MTMR11: variants seen among roughly 807,000 people sequenced by gnomAD.
MTMR11 encodes the protein myotubularin-related protein 11.
Under a neutral mutation model 100.0 loss-of-function variants are expected in MTMR11, and 89 were observed. That is an observed-to-expected ratio of 0.89 (90% CI 0.75 to 1.06). MTMR11 has a LOEUF of 1.06. Among genes scored for constraint, MTMR11 ranks in the 50% least tolerant of loss-of-function variants. The probability of loss-of-function intolerance (pLI) is 0.00; values close to 1 mark genes in which losing one functional copy is unlikely to be tolerated. For synonymous variants in MTMR11, 336 were observed against 326.3 expected (o/e 1.03, Z -0.32); for missense variants, 809 against 873.7 (o/e 0.93, Z 0.93).
Position 149,934,273 on chromosome 1 carries a change from C to A in MTMR11, c.601G>T (p.Asp201Tyr). 1 of 1,614,230 alleles carries A rather than the reference C, an allele frequency of 6.2e-7. No individual in the cohort carries two copies. The highest frequency in any genetic ancestry group is 8.5e-7 in the Non-Finnish European group (1 of 1,180,034). ...TGCTTCTTCCGCTCAGTCTCCCAGT[C>A]TTCCGCTGTCTCCATGAGAGGAATT... The part of the protein sequence containing the change: ...PPIPLMETAE[D>Y]WETERKKQAA... Residue 201 changes from aspartate to tyrosine, a missense_variant, in exon 7 of 17, where the codon GAC becomes TAC. Physicochemically the swap from Asp to Tyr is radical, Grantham distance 160 (BLOSUM62 -3). Coordinates refer to ENST00000439741, the MANE Select transcript of MTMR11 (RefSeq NM_001145862.2).
rs373265677 is a variant in MTMR11, at chr1:149,929,805, C to A, written c.1759G>T (p.Val587Phe). The A allele has an allele frequency of 4.3e-6, 7 of 1,614,094 alleles. No homozygotes were observed. Among genetic ancestry groups the A allele is most frequent in the Non-Finnish European group, 5.9e-6 (7 of 1,180,038 alleles). The change falls in exon 16 of 17, where the codon GTC (valine) becomes TTC (phenylalanine). Residue 587 changes from valine (V) to phenylalanine (F), a missense_variant. Coordinates refer to ENST00000439741, the MANE Select transcript of MTMR11 (RefSeq NM_001145862.2). ...GGTCGAGGGAGCCAACGAGAAGAGA[C>A]TGCCAGCAGGGAAGGACTGTCCCGC... is the stretch of plus-strand genomic sequence containing the variant. ...PWRDSPSLLA[V>F]SSRWLPRPAI...
Position 149,931,360 on chromosome 1 carries a change from G to C in MTMR11, c.1190C>G (p.Ala397Gly). 1 of 1,613,930 alleles carries C rather than the reference G, an allele frequency of 6.2e-7. No homozygotes were observed. Among genetic ancestry groups the C allele is most frequent in the Non-Finnish European group, 8.5e-7 (1 of 1,179,976 alleles). Residue 397 changes from alanine (A) to glycine (G), a missense_variant, in exon 13 of 17, where the codon GCC (alanine) becomes GGC (glycine). By Grantham distance (60) the Ala-to-Gly change is moderately conservative. Transcript: ENST00000439741. ...SLVQLLSAPE[A>G]RTLFGFQSLV... Reference sequence around the variant, plus strand: ...TGATTGGAAGCCAAACAGTGTTCGGGCTTCGGGGGCTGAAAGCAGCTGGAC... The same window carrying C: ...TGATTGGAAGCCAAACAGTGTTCGGCCTTCGGGGGCTGAAAGCAGCTGGAC...
At position 149,936,203 on chromosome 1, in the gene MTMR11, C is replaced by G; in HGVS notation, c.93G>C (p.Glu31Asp). ...AACTGCTAGGCTGACGACTCCTGGGCTCCGGCATCCTATTTTCCTGGACAG... is the reference window on the plus strand; with the variant it reads ...AACTGCTAGGCTGACGACTCCTGGGGTCCGGCATCCTATTTTCCTGGACAG... Reference protein sequence around the residue: ...MGSVQENRMPEPRSRQPSSCL... With the variant: ...MGSVQENRMPDPRSRQPSSCL... The change falls in exon 2 of 17, where the codon GAG (glutamate) becomes GAC (aspartate). Residue 31 changes from glutamate to aspartate, a missense_variant. By Grantham distance (45) the Glu-to-Asp change is conservative. Transcript: ENST00000439741. The G allele has an allele frequency of 6.2e-7, 1 of 1,614,078 alleles. No individual in the cohort carries two copies. Among genetic ancestry groups the G allele is most frequent in the Non-Finnish European group, 8.5e-7 (1 of 1,180,016 alleles).
At position 149,929,281 on chromosome 1, in the gene MTMR11, C is replaced by T; in HGVS notation, c.1978G>A (p.Asp660Asn). Residue 660 changes from aspartate to asparagine, a missense_variant, in exon 17 of 17, where the codon GAT becomes AAT. Transcript: ENST00000439741. ...LSAPTISGLQ[D>N]ELSHLQELLR... ...AACTCCTGAAGATGGGATAGCTCAT[C>T]CTGGAGGCCAGAGATTGTGGGAGCT... is the stretch of plus-strand genomic sequence containing the variant. 2 of 1,614,090 alleles carry T rather than the reference C, an allele frequency of 1.2e-6. No individual in the cohort carries two copies. The highest frequency in any genetic ancestry group is 1.7e-6 in the Non-Finnish European group (2 of 1,179,994).
Position 149,933,640 on chromosome 1 carries a change from G to T in MTMR11, c.830C>A (p.Thr277Lys). 6.2e-7 allele frequency: 1 copy of T among 1,614,204 alleles called. No individual in the cohort carries two copies. The highest frequency in any genetic ancestry group is 8.5e-7 in the Non-Finnish European group (1 of 1,180,030). ...ATCCTCCTTGTTAGGGTCACTGGCT[G>T]TATAGAAGCCTCCACAGCGGAGAAG... ...SDLLRCGGFYTASDPNKEDIR... is the reference protein window; with the variant it reads ...SDLLRCGGFYKASDPNKEDIR... The change falls in exon 9 of 17, where the codon ACA (threonine) becomes AAA (lysine). Residue 277 changes from threonine to lysine, a missense_variant. Thr to Lys is a moderately conservative substitution (Grantham distance 78). Coordinates refer to ENST00000439741, the MANE Select transcript of MTMR11 (RefSeq NM_001145862.2).
chr1:149,933,564 A>T, intron 9 of MTMR11, 34 bp from the exon 10 acceptor site: 1 of 1,614,074 alleles, frequency 6.2e-7, no homozygotes, highest in Middle Eastern at 1.6e-4. Context: ...TAAGGAGTCT[A>T]CCCTGAGCAC....
At chr1:149,932,386 T>C (rs2092671654) in intron 10 of MTMR11, 56 bp from the exon 11 acceptor site, 1 of 1,408,448 alleles carries the variant, frequency 7.1e-7, no homozygotes, top group South Asian at 1.2e-5. Context: ...GGATTCAGGA[T>C]TCAGGTTGAT....
In MTMR11 at chr1:149,929,628, C is replaced by T. The variant is rs368643211; in HGVS notation, c.1936G>A (p.Val646Ile). The part of the protein sequence containing the change: ...RRCYLRGRPE[V>I]QMGLSAPTIS... ...AGTCTATTTTCCCTTCTTACCTGGA[C>T]CTCAGGCCTTCCCCTCAGGTAGCAG... The change falls in exon 16 of 17, where the codon GTC (valine) becomes ATC (isoleucine). Residue 646 changes from valine to isoleucine, a missense_variant. Coordinates refer to ENST00000439741, the MANE Select transcript of MTMR11 (RefSeq NM_001145862.2). 1.3e-5 allele frequency: 21 copies of T among 1,611,020 alleles called. No homozygotes were observed. The highest frequency in any genetic ancestry group is 1.8e-5 in the Non-Finnish European group (21 of 1,178,916).
At position 149,936,625 on chromosome 1, in the gene MTMR11, TGGCCCC is replaced by T; in HGVS notation, c.17_22del (p.Arg6_Gly7del). 6.5e-7 allele frequency: 1 copy of T among 1,544,530 alleles called. No homozygotes were observed. The highest frequency in any genetic ancestry group is 1.7e-4 in the Middle Eastern group (1 of 5,976). ...CTTCTGGGGGGCAATGTTGAAACTC[TGGCCCC>T]GGCCCCCCCACCACATTTCTCTGGC... On this transcript the variant is annotated inframe_deletion, in exon 1 of 17. Transcript: ENST00000439741.
chr1:149,930,301 T>C, intron 15 of MTMR11, 64 bp downstream of exon 15: 2 of 1,468,106 alleles, frequency 1.4e-6, no homozygotes, highest in Non-Finnish European at 1.9e-6. Flanking sequence ...CTTTCACTTC[T>C]CACTGTCTAG....
intron 4 of MTMR11, 62 bp downstream of exon 4, chr1:149,935,237 G>A: frequency 6.2e-7 from 1 of 1,606,440 alleles, no homozygotes; most frequent in Non-Finnish European, 8.5e-7. Context: ...AACAGAGGAA[G>A]GATGAGGAGG....
chr1:149,936,416 A>G, intron 1 of MTMR11, 166 bp downstream of exon 1: 1 of 1,443,718 alleles, frequency 6.9e-7, no homozygotes, highest in South Asian at 1.5e-5. Context: ...GGATAATGAG[A>G]CAACGAACTT....
chr1:149,929,662 G>C lies in MTMR11; in HGVS notation c.1902C>G (p.Leu634=), dbSNP rs766652317. ...TTCCCCTCAGGTAGCAGCGTCTCCA[G>C]AGCCTGATCTGGGGTCCCAGATACC... ...LPGYLGPQIR[L]WRRCYLRGRP... The change falls in exon 16 of 17, where the codon CTC becomes CTG. Residue 634 remains leucine, a synonymous_variant. Transcript: ENST00000439741. The C allele has an allele frequency of 9.9e-6, 16 of 1,613,762 alleles. No homozygotes were observed. The African/African-American group carries it at 2.0e-4, about 20-fold the overall frequency.
Position 149,931,397 on chromosome 1 carries a change from G to A in MTMR11, c.1153C>T (p.Leu385Phe). 6.2e-7 allele frequency: 1 copy of A among 1,611,096 alleles called. No homozygotes were observed. The highest frequency in any genetic ancestry group is 1.3e-5 in the African/African-American group (1 of 74,854). Reference protein sequence around the residue: ...ERGDRDLNGLLSSLVQLLSAP... With the variant: ...ERGDRDLNGLFSSLVQLLSAP... ...GAAAGCAGCTGGACGAGTGAAGAGA[G>A]GAGGCCATTGAGATCACGATCACCG... The change falls in exon 13 of 17, where the codon CTC becomes TTC. Residue 385 changes from leucine (L) to phenylalanine (F), a missense_variant. By Grantham distance (22) the Leu-to-Phe change is conservative. Transcript: ENST00000439741.
In MTMR11 at chr1:149,935,073, G is replaced by T; in HGVS notation, c.381C>A (p.Ile127=). Residue 127 remains isoleucine (I), a synonymous_variant, in exon 5 of 17, where the codon ATC becomes ATA. Coordinates refer to ENST00000439741, the MANE Select transcript of MTMR11 (RefSeq NM_001145862.2). The part of the protein sequence containing the change: ...LLRPGSLHKF[I]PEEILIHGRD... The stretch of plus-strand genomic sequence containing the variant: ...GGCCATGAATCAGAATCTCCTCAGG[G>T]ATAAATTTATGCAGGGACCCTGGAC... 1 of 1,614,120 alleles carries T rather than the reference G, an allele frequency of 6.2e-7. No individual in the cohort carries two copies. Among genetic ancestry groups the T allele is most frequent in the South Asian group, 1.1e-5 (1 of 91,076 alleles).
chr1:149,934,107 T>A (rs1356440356), intron 7 of MTMR11, 84 bp downstream of exon 7: 182 of 1,596,476 alleles, frequency 1.1e-4, no homozygotes, highest in Non-Finnish European at 1.5e-4. Flanking sequence ...AGGCTGGAGT[T>A]TGTGGGAAGT....
chr1:149,934,929 G>A lies in MTMR11; in HGVS notation c.468+57C>T, dbSNP rs751881993. ...CTGGAGGAGTCTCAGAAATTGTCAG[G>A]GAGAGGATCCCAAGGTTCTGAGGTG... On this transcript the variant is annotated intron_variant, in intron 5 of 16. Coordinates refer to ENST00000439741, the MANE Select transcript of MTMR11 (RefSeq NM_001145862.2). 494 of 1,578,558 alleles carry A rather than the reference G, an allele frequency of 3.1e-4. 1 individual carries two copies. The highest frequency in any genetic ancestry group is 4.0e-4 in the Non-Finnish European group (465 of 1,164,336).
At position 149,930,498 on chromosome 1, in the gene MTMR11, G is replaced by A; in HGVS notation, c.1514C>T (p.Ala505Val). 6.2e-7 allele frequency: 1 copy of A among 1,614,076 alleles called. No homozygotes were observed. The highest frequency in any genetic ancestry group is 8.5e-7 in the Non-Finnish European group (1 of 1,179,984). ...CAGCTGCAGGTTAAAAGAGTTCCCA[G>A]CTGGAGGCTGGGAGTATCCTGGGGT... ...VYTPGYSQPP[A>V]GNSFNLQLSV... The change falls in exon 15 of 17, where the codon GCT becomes GTT. Residue 505 changes from alanine to valine, a missense_variant. Physicochemically the swap from Ala to Val is moderately conservative, Grantham distance 64. Transcript: ENST00000439741.
rs1314893872 is a variant in MTMR11, at chr1:149,935,335, C to A, written c.289G>T (p.Asp97Tyr). Reference sequence around the variant, plus strand: ...CGTCCAATGTTGACCAGGGCAAAATCGTATTCACTGTTCAAGGGAGTGTCC... The same window carrying A: ...CGTCCAATGTTGACCAGGGCAAAATAGTATTCACTGTTCAAGGGAGTGTCC... ...NQDTPLNSEY[D>Y]FALVNIGRLE... The change falls in exon 4 of 17, where the codon GAT (aspartate) becomes TAT (tyrosine). Residue 97 changes from aspartate (D) to tyrosine (Y), a missense_variant. Transcript: ENST00000439741. The A allele has an allele frequency of 6.2e-7, 1 of 1,613,518 alleles. No homozygotes were observed. The highest frequency in any genetic ancestry group is 1.3e-5 in the African/African-American group (1 of 74,838).
Sources: gnomAD v4.1 joint callset for allele counts on GRCh38, gnomAD v4.1.1 for gene constraint, MANE v1.5 for transcripts, NCBI Gene and HGNC (gene_info 2026-07-23, HGNC 2026-07-21) for gene names.